The following ASCC1 variants were observed in gnomAD, a reference collection of about 807,000 sequenced individuals.
ASCC1 encodes the protein activating signal cointegrator 1 complex subunit 1, also known as ASC-1 complex subunit P50.
ASCC1 carries 35 observed loss-of-function variants against 46.6 expected under a neutral mutation model. The observed-to-expected ratio is 0.75, with a 90% CI of 0.57 to 0.99. The LOEUF (loss-of-function observed/expected upper bound fraction) is 0.99, where lower values mean the gene tolerates loss of function less well. ASCC1 is among the 50% of genes least tolerant of loss of function. The pLI, the probability that ASCC1 is intolerant of heterozygous loss-of-function variation, is 0.00. For missense variants in ASCC1, 376 were observed against 428.7 expected, an observed-to-expected ratio of 0.88 and a Z score of 1.09; for synonymous variants, 143 against 146.6, an observed-to-expected ratio of 0.98 and a Z score of 0.18.
At chr10:72,177,023 T>C (rs185678120) in intron 5 of ASCC1, among the ~76,000 whole-genome samples, 1 of 152,006 alleles carries the variant, frequency 6.6e-6, no homozygotes, top group Non-Finnish European at 1.5e-5. Context: ...AGAAGTCTAT[T>C]TCCCACACCC....
chr10:72,105,278 C>CT (rs1842218373), intron 9 of ASCC1, among the ~76,000 whole-genome samples: 1 of 152,224 alleles, frequency 6.6e-6, no homozygotes, highest in Admixed American at 6.5e-5. Context: ...AGAGAACATT[C>CT]TAACATGCCC....
intron 5 of ASCC1, among the ~76,000 whole-genome samples, chr10:72,193,445 AACACACAC>A (rs57910616): frequency 0.016 from 2,332 of 146,460 alleles, 25 homozygotes; most frequent in South Asian, 0.032. Context: ...TAATAAACAA[AACACACAC>A]ACACACACAC....
chr10:72,161,620 T>A lies in ASCC1; in HGVS notation c.544A>T (p.Ile182Phe), dbSNP rs770792014. ...TCACTCAAAAGCACCAACATCCCAA[T>A]AGTTAGATGAAGCTTTTTAGGATTC... ...FQNPKKLHLTIGMLVLLSEEE... is the reference protein window; with the variant it reads ...FQNPKKLHLTFGMLVLLSEEE... The change falls in exon 6 of 10, where the codon ATT becomes TTT. Residue 182 changes from isoleucine (I) to phenylalanine (F), a missense_variant. Ile to Phe is a conservative substitution (Grantham distance 21). Coordinates refer to ENST00000672957, the MANE Select transcript of ASCC1 (RefSeq NM_001198800.3). 1 of 1,614,116 alleles carries A rather than the reference T, an allele frequency of 6.2e-7. No homozygotes were observed. The highest frequency in any genetic ancestry group is 8.5e-7 in the Non-Finnish European group (1 of 1,180,014).
intron 5 of ASCC1, among the ~76,000 whole-genome samples, chr10:72,194,291 A>C (rs919535376): frequency 6.6e-6 from 1 of 151,834 alleles, no homozygotes; most frequent in Non-Finnish European, 1.5e-5. Flanking sequence ...AAAATGCTTT[A>C]TCTCACAAAT....
chr10:72,096,408 T>C lies in ASCC1; in HGVS notation c.*926A>G, dbSNP rs1429392611. 4 of 454,082 alleles carry C rather than the reference T, an allele frequency of 8.8e-6. No homozygotes were observed. Among genetic ancestry groups the C allele is most frequent in the East Asian group, 6.9e-5 (1 of 14,402 alleles). The allele number at this position is 454,082 out of a possible 1,614,324, so 28.1% of individuals were successfully genotyped here. A position where few individuals can be genotyped will look rare whatever the true frequency, so the allele number is the denominator to read the frequency against. On this transcript the variant is annotated 3_prime_UTR_variant, in exon 10 of 10. Transcript: ENST00000672957. Reference sequence around the variant, plus strand: ...AGTAAACAAAAAAGGGCTGCAACACTGCAACTCCATCAGGGGCATGGGAAG... The same window carrying C: ...AGTAAACAAAAAAGGGCTGCAACACCGCAACTCCATCAGGGGCATGGGAAG...
intron 9 of ASCC1, among the ~76,000 whole-genome samples, chr10:72,123,260 A>G (rs754514123): frequency 3.3e-4 from 49 of 150,216 alleles, no homozygotes; most frequent in Non-Finnish European, 6.4e-4. Context: ...AATGGCATGA[A>G]CCCGGGAGGT....
At chr10:72,164,656 G>A (rs1412765223) in intron 5 of ASCC1, among the ~76,000 whole-genome samples, 2 of 152,180 alleles carry the variant, frequency 1.3e-5, no homozygotes, top group Non-Finnish European at 2.9e-5. Flanking sequence ...CCCAGGAGGA[G>A]AACTGCTGGG....
intron 3 of ASCC1, 56 bp from the exon 4 acceptor site, chr10:72,203,580 C>T: frequency 5.6e-6 from 7 of 1,241,316 alleles, no homozygotes; most frequent in Non-Finnish European, 7.1e-6. Flanking sequence ...AAATAAAGAA[C>T]CTCATTATGT....
At chr10:72,136,138 T>A (rs1308547784) in intron 7 of ASCC1, among the ~76,000 whole-genome samples, 1 of 152,160 alleles carries the variant, frequency 6.6e-6, no homozygotes, top group Non-Finnish European at 1.5e-5. Context: ...TCCTCCTGCC[T>A]CAGCCTCCCA....
At chr10:72,154,721 G>A (rs1436088554) in intron 6 of ASCC1, among the ~76,000 whole-genome samples, 2 of 151,904 alleles carry the variant, frequency 1.3e-5, no homozygotes, top group Non-Finnish European at 2.9e-5. Context: ...TGAACTCCTG[G>A]GCTGAAGACA....
Position 72,210,961 on chromosome 10 carries a change from G to A in ASCC1, c.113-130C>T, listed in dbSNP as rs1422688990. The A allele has an allele frequency of 6.4e-6, 5 of 776,638 alleles. No individual in the cohort carries two copies. The Admixed American group carries it at 1.0e-4, about 16-fold the overall frequency. 48.1% of individuals were successfully genotyped at this position (776,638 alleles called of 1,614,324 possible). ...CAGGCATAAAGAACAGCCGGACACTGTACATTCCATGACACTGCTCTGATA... is the reference window on the plus strand; with the variant it reads ...CAGGCATAAAGAACAGCCGGACACTATACATTCCATGACACTGCTCTGATA... On this transcript the variant is annotated intron_variant, in intron 2 of 9. Coordinates refer to ENST00000672957, the MANE Select transcript of ASCC1 (RefSeq NM_001198800.3).
rs1179418518 is a variant in ASCC1, at chr10:72,212,950, AT to A, written c.112+236del. Reference sequence around the variant, plus strand: ...TAATATTAACAACTAAAATTTCTCTATGATATTTAAACCTCTGTACAAAGAA... The same window carrying A: ...TAATATTAACAACTAAAATTTCTCTAGATATTTAAACCTCTGTACAAAGAA... On this transcript the variant is annotated intron_variant, in intron 2 of 9. Transcript: ENST00000672957. 7.6e-5 allele frequency among the ~76,000 whole-genome samples: 10 copies of A among 130,762 alleles called. No homozygotes were observed. In the South Asian group the frequency reaches 2.1e-3, roughly 28 times the overall value. 85.8% of individuals were successfully genotyped at this position (130,762 alleles called of 152,430 possible).
intron 5 of ASCC1, among the ~76,000 whole-genome samples, chr10:72,189,525 G>T (rs374466971): frequency 3.3e-5 from 5 of 152,014 alleles, no homozygotes; most frequent in Non-Finnish European, 7.4e-5. Flanking sequence ...GATACTGTTC[G>T]GGTGGGGTGG....
chr10:72,129,487 T>C (rs1316395804), intron 8 of ASCC1, among the ~76,000 whole-genome samples: 3 of 151,716 alleles, frequency 2.0e-5, no homozygotes, highest in East Asian at 1.9e-4. Context: ...CTGGGCAATA[T>C]AGTGAGACCT....
chr10:72,102,737 G>A (rs1257873539), intron 9 of ASCC1: 6 of 353,244 alleles, frequency 1.7e-5, no homozygotes, highest in Non-Finnish European at 1.1e-5. Flanking sequence ...CACTTTGGGA[G>A]GCTAAGGCAG....
chr10:72,115,398 A>C (rs1843390068), intron 9 of ASCC1, among the ~76,000 whole-genome samples: 1 of 152,228 alleles, frequency 6.6e-6, no homozygotes, highest in Non-Finnish European at 1.5e-5. Context: ...CTTACCATTA[A>C]GGAAGAGGTA....
intron 5 of ASCC1, among the ~76,000 whole-genome samples, chr10:72,164,557 G>A (rs1278592491): frequency 6.6e-6 from 1 of 152,070 alleles, no homozygotes; most frequent in African/African-American, 2.4e-5. Flanking sequence ...TGGGTTTTTT[G>A]CACCTTTGCT....
chr10:72,163,145 T>C (rs975303341), intron 5 of ASCC1, among the ~76,000 whole-genome samples: 4 of 152,078 alleles, frequency 2.6e-5, no homozygotes, highest in African/African-American at 7.2e-5. Context: ...TGTGTAGAAA[T>C]TGGAACCCTC....
chr10:72,197,495 A>G lies in ASCC1; in HGVS notation c.311-506T>C, dbSNP rs139482604. ...AAAAAAAAAAAAAAAAAAAAAAAGA[A>G]TATCCTTAAGACAGCTTATAAAGTA... On this transcript the variant is annotated intron_variant, in intron 4 of 9. Transcript: ENST00000672957. Among the ~76,000 whole-genome samples, 1,230 of 148,480 alleles carry G rather than the reference A, an allele frequency of 8.3e-3. 11 individuals are homozygous for G. The highest frequency in any genetic ancestry group is 0.013 in the Non-Finnish European group (853 of 66,834).
Sources: gnomAD v4.1 joint callset for allele counts (sites outside exome capture counted in the v4.1 genomes callset) on GRCh38, gnomAD v4.1.1 for gene constraint, MANE v1.5 for transcripts, NCBI Gene and HGNC (gene_info 2026-07-23, HGNC 2026-07-21) for gene names.